ATP9A: variants seen among roughly 807,000 people sequenced by gnomAD.
ATP9A encodes ATPase phospholipid transporting 9A.
In ATP9A, 52 loss-of-function variants were observed where a neutral mutation model predicts 144.1. That is an observed-to-expected ratio of 0.36 (90% confidence interval 0.29 to 0.45). The LOEUF (loss-of-function observed/expected upper bound fraction) is 0.45, where lower values mean the gene tolerates loss of function less well. Ranked by LOEUF, ATP9A falls within the 20% of genes least tolerant of loss-of-function variation. The pLI, the probability that ATP9A is intolerant of heterozygous loss-of-function variation, is 1.00. For missense variants in ATP9A, 947 were observed against 1,392.7 expected, an observed-to-expected ratio of 0.68 and a Z score of 5.09; for synonymous variants, 582 against 557.4, an observed-to-expected ratio of 1.04 and a Z score of -0.62.
chr20:51,606,099 C>T (rs1442835017), intron 26 of ATP9A, among the ~76,000 whole-genome samples: 2 of 151,582 alleles, frequency 1.3e-5, no homozygotes, highest in Non-Finnish European at 2.9e-5. Flanking sequence ...GAAACCCCCG[C>T]CTCTACTAAA....
chr20:51,707,105 T>C (rs1694090762), intron 4 of ATP9A, among the ~76,000 whole-genome samples: 1 of 152,184 alleles, frequency 6.6e-6, no homozygotes, highest in African/African-American at 2.4e-5. Context: ...ATGCTCTTTT[T>C]GGAGAACTCT....
chr20:51,698,829 A>T (rs1006382135), intron 4 of ATP9A, among the ~76,000 whole-genome samples: 1 of 152,216 alleles, frequency 6.6e-6, no homozygotes, highest in South Asian at 2.1e-4. Flanking sequence ...GACGTAAAGC[A>T]TCAGGAAAGC....
At chr20:51,601,384 G>T in intron 27 of ATP9A, 37 bp from the exon 28 acceptor site, 4 of 1,567,418 alleles carry the variant, frequency 2.6e-6, no homozygotes, top group Non-Finnish European at 3.5e-6. Flanking sequence ...GAGCAGGCAG[G>T]AATATTCCGG....
In ATP9A at chr20:51,697,931, A is replaced by C. The variant is rs80206995; in HGVS notation, c.437-449T>G. ...TAATTTATAATTGCTACATGCTTTG[A>C]TTTATAGGATTATGATCAGACTATA... On this transcript the variant is annotated intron_variant, in intron 4 of 27. Coordinates refer to ENST00000338821, the MANE Select transcript of ATP9A (RefSeq NM_006045.3). 2.4e-3 allele frequency among the ~76,000 whole-genome samples: 373 copies of C among 152,328 alleles called. 13 individuals carry two copies. In the East Asian group the frequency reaches 0.068, roughly 28 times the overall value.
intron 27 of ATP9A, among the ~76,000 whole-genome samples, chr20:51,601,700 G>C (rs2077143858): frequency 6.6e-6 from 1 of 152,184 alleles, no homozygotes; most frequent in African/African-American, 2.4e-5. Flanking sequence ...GAACCCAGGA[G>C]TTTGAGACCA....
intron 27 of ATP9A, among the ~76,000 whole-genome samples, chr20:51,604,015 G>C (rs1005047316): frequency 2.0e-5 from 3 of 152,036 alleles, no homozygotes; most frequent in Admixed American, 6.5e-5. Flanking sequence ...TCCTGACCTC[G>C]TGATCCACCC....
intron 15 of ATP9A, among the ~76,000 whole-genome samples, chr20:51,629,785 A>C (rs894611572): frequency 6.6e-6 from 1 of 152,232 alleles, no homozygotes; most frequent in African/African-American, 2.4e-5. Context: ...TGCTTGGACC[A>C]AGTACCAGTT....
At chr20:51,733,109 T>C (rs1297686351) in intron 1 of ATP9A, among the ~76,000 whole-genome samples, 1 of 152,190 alleles carries the variant, frequency 6.6e-6, no homozygotes. Context: ...GACATCAAGC[T>C]ATCCGGTTAC....
Position 51,749,470 on chromosome 20 carries a change from A to C in ATP9A, c.68+18832T>G, listed in dbSNP as rs748104465. Among the ~76,000 whole-genome samples the C allele has an allele frequency of 1.7e-3, 266 of 152,176 alleles. 3 individuals carry two copies. Among genetic ancestry groups the C allele is most frequent in the Non-Finnish European group, 3.7e-4 (25 of 67,990 alleles). On this transcript the variant is annotated intron_variant, in intron 1 of 27. Coordinates refer to ENST00000338821, the MANE Select transcript of ATP9A (RefSeq NM_006045.3). ...TAGTAGAGACAGTTTCACCATGTTGACCAGGCTGGTCTCAAACTCCTGACC... is the reference window on the plus strand; with the variant it reads ...TAGTAGAGACAGTTTCACCATGTTGCCCAGGCTGGTCTCAAACTCCTGACC...
chr20:51,758,942 G>A (rs6126338), intron 1 of ATP9A, among the ~76,000 whole-genome samples: 71,444 of 151,882 alleles, frequency 0.47, 18,407 homozygotes, highest in East Asian at 0.77. Flanking sequence ...AAAAGAAAGA[G>A]CCCGTCTGCA....
chr20:51,637,306 TAAAAAAA>T (rs3029335), intron 15 of ATP9A, among the ~76,000 whole-genome samples: 35 of 89,984 alleles, frequency 3.9e-4, no homozygotes, highest in African/African-American at 6.5e-4. Flanking sequence ...TCCCTAACAT[TAAAAAAA>T]AAAAAAAAAA....
intron 4 of ATP9A, among the ~76,000 whole-genome samples, chr20:51,710,769 T>C (rs1321064510): frequency 6.6e-6 from 1 of 152,156 alleles, no homozygotes; most frequent in Non-Finnish European, 1.5e-5. Flanking sequence ...TCCTTAGGAC[T>C]TTCTCAAGAG....
intron 8 of ATP9A, among the ~76,000 whole-genome samples, chr20:51,690,226 C>G (rs1360711807): frequency 6.6e-6 from 1 of 151,524 alleles, no homozygotes; most frequent in African/African-American, 2.4e-5. Flanking sequence ...CAAGACCATC[C>G]TGGCTAACAC....
intron 14 of ATP9A, among the ~76,000 whole-genome samples, chr20:51,656,306 C>T (rs1265444712): frequency 6.6e-6 from 1 of 152,112 alleles, no homozygotes; most frequent in African/African-American, 2.4e-5. Flanking sequence ...AATCCCAACA[C>T]TGTGGGAGGC....
chr20:51,762,192 C>T (rs576103981), intron 1 of ATP9A, among the ~76,000 whole-genome samples: 1 of 152,146 alleles, frequency 6.6e-6, no homozygotes, highest in Non-Finnish European at 1.5e-5. Context: ...CGGTGAAGCC[C>T]CGTCTCTACC....
intron 1 of ATP9A, among the ~76,000 whole-genome samples, chr20:51,750,294 C>A (rs1217174812): frequency 6.6e-6 from 1 of 152,334 alleles, no homozygotes; most frequent in Middle Eastern, 3.4e-3. Flanking sequence ...CCAGGCCTGG[C>A]ACACAAACGT....
chr20:51,650,824 A>G (rs2077360876), intron 14 of ATP9A, among the ~76,000 whole-genome samples: 1 of 151,996 alleles, frequency 6.6e-6, no homozygotes, highest in South Asian at 2.1e-4. Context: ...TACAGCAAGC[A>G]GCTTTCATTC....
At chr20:51,610,393 G>C (rs2077180386) in intron 23 of ATP9A, among the ~76,000 whole-genome samples, 1 of 152,096 alleles carries the variant, frequency 6.6e-6, no homozygotes, top group Non-Finnish European at 1.5e-5. Flanking sequence ...GCATAGAGAG[G>C]GTACGTGGCT....
intron 9 of ATP9A, among the ~76,000 whole-genome samples, chr20:51,682,577 C>CT (rs60505207): frequency 0.011 from 375 of 35,054 alleles, 65 homozygotes; most frequent in Non-Finnish European, 0.015. Context: ...TTCACTGTAT[C>CT]TTTTTTTTTT....
Sources: allele counts gnomAD v4.1 joint callset (sites outside exome capture counted in the v4.1 genomes callset), GRCh38; gene constraint gnomAD v4.1.1; transcripts MANE v1.5; gene names NCBI Gene and HGNC (gene_info 2026-07-23, HGNC 2026-07-21).